ADGRD1: variants seen among roughly 807,000 people sequenced by gnomAD.
ADGRD1 encodes G-protein coupled receptor 133.
Under a neutral mutation model 113.4 loss-of-function variants are expected in ADGRD1, and 77 were observed. The observed-to-expected ratio is 0.68, with a 90% confidence interval of 0.57 to 0.82. ADGRD1 has a LOEUF of 0.82. Ranked by LOEUF, ADGRD1 falls within the 40% of genes least tolerant of loss-of-function variation. ADGRD1 has a pLI of 0.00. For synonymous variants in ADGRD1, 474 were observed against 475.0 expected, an observed-to-expected ratio of 1.00 and a Z score of 0.03; for missense variants, 1,036 against 1,139.1, an observed-to-expected ratio of 0.91 and a Z score of 1.30.
At chr12:131,098,323 A>G (rs530577322) in intron 15 of ADGRD1, among the ~76,000 whole-genome samples, 1 of 152,210 alleles carries the variant, frequency 6.6e-6, no homozygotes, top group Admixed American at 6.5e-5. Flanking sequence ...GGTCAGAGGC[A>G]CGGGCTGGGG....
At chr12:131,094,582 GC>G (rs60898434) in intron 15 of ADGRD1, among the ~76,000 whole-genome samples, 3 of 151,656 alleles carry the variant, frequency 2.0e-5, no homozygotes, top group African/African-American at 2.4e-5. Context: ...GTTCAGCAGC[GC>G]CCCCCCGACT....
Position 130,991,000 on chromosome 12 carries a change from A to G in ADGRD1, c.746-14A>G. 1 of 1,612,616 alleles carries G rather than the reference A, an allele frequency of 6.2e-7. No individual in the cohort carries two copies. Among genetic ancestry groups the G allele is most frequent in the African/African-American group, 1.3e-5 (1 of 75,008 alleles). On this transcript the variant is annotated splice_polypyrimidine_tract_variant and intron_variant, in intron 6 of 24. Coordinates refer to ENST00000261654, the MANE Select transcript of ADGRD1 (RefSeq NM_198827.5). ...ACCATGTTTTAGTCCTTAATCCAGC[A>G]TTGTTTCTTCCAGGAAAGCATGCTT...
At chr12:131,036,866 C>G (rs1321556342) in intron 13 of ADGRD1, among the ~76,000 whole-genome samples, 1 of 149,404 alleles carries the variant, frequency 6.7e-6, no homozygotes, top group Non-Finnish European at 1.5e-5. Flanking sequence ...ACTCACTACA[C>G]CAGGTTTCAC....
chr12:130,985,778 C>T (rs1261521496), intron 5 of ADGRD1, among the ~76,000 whole-genome samples: 1 of 152,182 alleles, frequency 6.6e-6, no homozygotes, highest in Non-Finnish European at 1.5e-5. Context: ...TCTCGAACTC[C>T]TGACTTCAGG....
At chr12:131,064,859 C>G (rs1884593521) in intron 13 of ADGRD1, among the ~76,000 whole-genome samples, 1 of 152,190 alleles carries the variant, frequency 6.6e-6, no homozygotes. Flanking sequence ...CTGAGATGCT[C>G]CTTTTGGGTA....
chr12:131,112,900 A>AC, intron 18 of ADGRD1, among the ~76,000 whole-genome samples: 1 of 152,362 alleles, frequency 6.6e-6, no homozygotes, highest in Non-Finnish European at 1.5e-5. Flanking sequence ...CACCCTGCAT[A>AC]CTATGAGTTG....
chr12:131,123,474 T>C (rs1401467903), intron 20 of ADGRD1, among the ~76,000 whole-genome samples: 2 of 151,912 alleles, frequency 1.3e-5, no homozygotes, highest in African/African-American at 2.4e-5. Flanking sequence ...GGGACATTGG[T>C]AGCAACAGGC....
intron 23 of ADGRD1, 129 bp from the exon 24 acceptor site, chr12:131,138,008 C>A: frequency 2.8e-6 from 2 of 720,256 alleles, no homozygotes; most frequent in Non-Finnish European, 4.9e-6. Flanking sequence ...GCCAGCAGCT[C>A]CGACTCATAT....
chr12:131,057,527 C>G lies in ADGRD1; in HGVS notation c.1474-19274C>G, dbSNP rs972418379. ...GTTCGTTCTGGAGGCTCAGCGGGAA[C>G]GTCCACCCCTGCCTGTCTCCTAGTA... On this transcript the variant is annotated intron_variant, in intron 13 of 24. Transcript: ENST00000261654. The surrounding 1 kb of genome is among the most constrained non-coding windows in gnomAD (Gnocchi z 4.2). 1.3e-5 allele frequency among the ~76,000 whole-genome samples: 2 copies of G among 152,172 alleles called. No homozygotes were observed. Among genetic ancestry groups the G allele is most frequent in the African/African-American group, 4.8e-5 (2 of 41,444 alleles).
chr12:131,028,559 TG>T (rs1157621211), intron 13 of ADGRD1, among the ~76,000 whole-genome samples: 1 of 152,218 alleles, frequency 6.6e-6, no homozygotes, highest in Middle Eastern at 3.2e-3. Flanking sequence ...CTGGAACATT[TG>T]TTGTTTTCAC....
At chr12:131,080,874 C>A (rs1886016491) in intron 14 of ADGRD1, among the ~76,000 whole-genome samples, 1 of 152,228 alleles carries the variant, frequency 6.6e-6, no homozygotes, top group Admixed American at 6.5e-5. Context: ...CCCGCCTCGG[C>A]CTCCCAAAGT....
chr12:130,991,422 A>G (rs12831523), intron 7 of ADGRD1, among the ~76,000 whole-genome samples: 1 of 152,068 alleles, frequency 6.6e-6, no homozygotes, highest in South Asian at 2.1e-4. Context: ...GAAAAGTTCA[A>G]TTCATATAGA....
rs993219308 is a variant in ADGRD1, at chr12:131,027,207, C to T, written c.1473+12867C>T. ...TAAATAACACACACACACGCACACA[C>T]ATGCACACACACATAGCCAAACATC... On this transcript the variant is annotated intron_variant, in intron 13 of 24. Transcript: ENST00000261654. The surrounding 1 kb of genome is among the most constrained non-coding windows in gnomAD (Gnocchi z 5.1). 6.6e-6 allele frequency: 1 copy of T among 152,216 alleles called. No individual in the cohort carries two copies. Among genetic ancestry groups the T allele is most frequent in the African/African-American group, 2.4e-5 (1 of 41,452 alleles). The allele number at this position is 152,216 out of a possible 1,614,324, so 9.4% of individuals were successfully genotyped here.
chr12:131,068,085 G>C (rs1884865367), intron 13 of ADGRD1, among the ~76,000 whole-genome samples: 1 of 152,228 alleles, frequency 6.6e-6, no homozygotes, highest in Non-Finnish European at 1.5e-5. Flanking sequence ...GTCCCACCAA[G>C]CTCTAAAGAC....
chr12:131,085,643 C>T (rs910608995), intron 15 of ADGRD1, among the ~76,000 whole-genome samples: 3 of 152,178 alleles, frequency 2.0e-5, no homozygotes, highest in Non-Finnish European at 4.4e-5. Flanking sequence ...CCCACACTCA[C>T]GTCTGTCGGT....
intron 13 of ADGRD1, among the ~76,000 whole-genome samples, chr12:131,032,115 A>G (rs1880832213): frequency 1.3e-5 from 2 of 152,122 alleles, no homozygotes; most frequent in Admixed American, 1.3e-4. Context: ...TCCTTCTCCA[A>G]GTGTCAGGCA....
chr12:131,025,311 T>C (rs560386676), intron 13 of ADGRD1, among the ~76,000 whole-genome samples: 108 of 152,312 alleles, frequency 7.1e-4, no homozygotes, highest in Non-Finnish European at 1.2e-3. Context: ...AGGTTGCTTT[T>C]ATATTTCTGA....
chr12:130,985,705 C>A (rs1873573806), intron 5 of ADGRD1, among the ~76,000 whole-genome samples: 1 of 152,076 alleles, frequency 6.6e-6, no homozygotes, highest in Non-Finnish European at 1.5e-5. Context: ...ACACCTGCCA[C>A]CACGCCCAGC....
At chr12:131,094,857 C>A (rs1185019124) in intron 15 of ADGRD1, among the ~76,000 whole-genome samples, 1 of 152,214 alleles carries the variant, frequency 6.6e-6, no homozygotes, top group African/African-American at 2.4e-5. Context: ...TTTCCTGAGC[C>A]CTGTCCTGGG....
Sources: gnomAD v4.1 joint callset for allele counts (sites outside exome capture counted in the v4.1 genomes callset) on GRCh38, gnomAD v4.1.1 for gene constraint, Gnocchi (gnomAD v3.1) non-coding constraint, MANE v1.5 for transcripts, NCBI Gene and HGNC (gene_info 2026-07-23, HGNC 2026-07-21) for gene names.